Variants in AK8 observed in about 807,000 individuals in gnomAD.
AK8 encodes adenylate kinase 8, also known as ATP-AMP transphosphorylase 8.
Under a neutral mutation model 54.6 loss-of-function variants are expected in AK8, and 44 were observed. That is an observed-to-expected ratio of 0.81 (90% CI 0.63 to 1.04). AK8 has a LOEUF of 1.04. Among genes scored for constraint, AK8 ranks in the 50% least tolerant of loss-of-function variants. The pLI is 0.00. For synonymous variants in AK8, 239 were observed against 245.6 expected (o/e 0.97, Z 0.25); for missense variants, 555 against 613.6 (o/e 0.90, Z 1.01).
Position 132,781,164 on chromosome 9 carries a change from T to C in AK8, c.1121+11470A>G, listed in dbSNP as rs1247419251. 8.3e-6 allele frequency among the ~76,000 whole-genome samples: 1 copy of C among 120,968 alleles called. No individual in the cohort carries two copies. The highest frequency in any genetic ancestry group is 2.1e-5 in the Non-Finnish European group (1 of 47,676). 79.4% of individuals were successfully genotyped at this position (120,968 alleles called of 152,430 possible). A position where few individuals can be genotyped will look rare whatever the true frequency, so the allele number is the denominator to read the frequency against. On this transcript the variant is annotated intron_variant, in intron 11 of 12. Transcript: ENST00000298545. The surrounding 1 kb of genome is among the most constrained non-coding windows in gnomAD (Gnocchi z 4.6). Reference sequence around the variant, plus strand: ...ATGAACATAGTTCTTTCTTTGTTTCTTTCTTTCTTTCTTTTTTTTTACTAT... The same window carrying C: ...ATGAACATAGTTCTTTCTTTGTTTCCTTCTTTCTTTCTTTTTTTTTACTAT...
At chr9:132,801,137 A>G (rs986506610) in intron 10 of AK8, among the ~76,000 whole-genome samples, 1 of 152,112 alleles carries the variant, frequency 6.6e-6, no homozygotes, top group African/African-American at 2.4e-5. Flanking sequence ...CATGTTGGCT[A>G]CGCTGGTCTT....
At chr9:132,824,602 C>T (rs1421816440) in intron 8 of AK8, among the ~76,000 whole-genome samples, 2 of 152,208 alleles carry the variant, frequency 1.3e-5, no homozygotes, top group Non-Finnish European at 1.5e-5. Context: ...GCAGCACAAC[C>T]GCAAGGTATG....
In AK8 at chr9:132,791,740, A is replaced by T. The variant is rs1203547126; in HGVS notation, c.1121+894T>A. ...AGACCATATATAAAAAGAGAACTGG[A>T]ACCCACAACCTGCAGCAACCTGCCC... On this transcript the variant is annotated intron_variant, in intron 11 of 12. Coordinates refer to ENST00000298545, the MANE Select transcript of AK8 (RefSeq NM_152572.3). This position sits in a 1 kb window ranked among gnomAD's most constrained non-coding sequence, Gnocchi z 4.0. Among the ~76,000 whole-genome samples the T allele has an allele frequency of 6.6e-6, 1 of 152,238 alleles. No homozygotes were observed. The highest frequency in any genetic ancestry group is 2.4e-5 in the African/African-American group (1 of 41,462).
intron 11 of AK8, among the ~76,000 whole-genome samples, chr9:132,730,436 G>GTTTTTT (rs5900990): frequency 5.6e-5 from 8 of 141,882 alleles, no homozygotes. Context: ...CCCACTGCCT[G>GTTTTTT]TTTTTTTTTT....
intron 11 of AK8, among the ~76,000 whole-genome samples, chr9:132,733,433 A>G (rs1247669860): frequency 2.0e-5 from 3 of 152,230 alleles, no homozygotes; most frequent in Non-Finnish European, 2.9e-5. Flanking sequence ...GAAATCCCTG[A>G]TAATTGAAGC....
In AK8 at chr9:132,826,232, C is replaced by T. The variant is rs1841863964; in HGVS notation, c.757+622G>A. 6.6e-6 allele frequency among the ~76,000 whole-genome samples: 1 copy of T among 152,124 alleles called. No individual in the cohort carries two copies. The highest frequency in any genetic ancestry group is 2.1e-4 in the South Asian group (1 of 4,828). On this transcript the variant is annotated intron_variant, in intron 8 of 12. Coordinates refer to ENST00000298545, the MANE Select transcript of AK8 (RefSeq NM_152572.3). The surrounding 1 kb of genome is among the most constrained non-coding windows in gnomAD (Gnocchi z 4.5). ...GGGCTCCGAGGAGTTAGGAGAAGTG[C>T]CAGAGGCTGCACAGCTGGGCTGCGT...
At chr9:132,854,377 C>T (rs1843093378) in intron 5 of AK8, among the ~76,000 whole-genome samples, 1 of 152,238 alleles carries the variant, frequency 6.6e-6, no homozygotes, top group African/African-American at 2.4e-5. Flanking sequence ...GAGCCCTCCC[C>T]TGCCCTCTCC....
chr9:132,878,367 G>A (rs1294585664), upstream of AK8: 9 of 1,251,140 alleles, frequency 7.2e-6, no homozygotes, highest in Non-Finnish European at 9.1e-6. This position sits in a 1 kb window ranked among gnomAD's most constrained non-coding sequence, Gnocchi z 4.7. Context: ...GCCGGGCCCA[G>A]ATACCCGATC....
At chr9:132,745,745 C>T (rs952904087) in intron 11 of AK8, among the ~76,000 whole-genome samples, 4 of 152,132 alleles carry the variant, frequency 2.6e-5, no homozygotes, top group African/African-American at 9.7e-5. Context: ...AAGGGTCCCT[C>T]AAGACAGTCC....
intron 11 of AK8, among the ~76,000 whole-genome samples, chr9:132,784,447 A>C (rs58194817): frequency 0.01 from 1,558 of 152,256 alleles, 28 homozygotes; most frequent in African/African-American, 0.036. Flanking sequence ...TGAAGTCAGG[A>C]GGGGAAGGTT....
intron 5 of AK8, among the ~76,000 whole-genome samples, chr9:132,839,290 G>A (rs746529718): frequency 6.6e-6 from 1 of 152,274 alleles, no homozygotes; most frequent in South Asian, 2.1e-4. Context: ...TTCACCAACT[G>A]TGTCTTGGCT....
At chr9:132,782,068 A>G (rs1390793980) in intron 11 of AK8, among the ~76,000 whole-genome samples, 2 of 152,178 alleles carry the variant, frequency 1.3e-5, no homozygotes, top group Admixed American at 1.3e-4. Context: ...CTAGGGTCAA[A>G]TAAATTAAAT....
intron 11 of AK8, among the ~76,000 whole-genome samples, chr9:132,783,866 G>A (rs1282807850): frequency 1.3e-5 from 2 of 152,134 alleles, no homozygotes; most frequent in Admixed American, 1.3e-4. Flanking sequence ...AAAACAGTCA[G>A]TTACCATGAA....
chr9:132,797,984 T>C (rs1432066714), intron 10 of AK8, among the ~76,000 whole-genome samples: 2 of 152,208 alleles, frequency 1.3e-5, no homozygotes, highest in Non-Finnish European at 2.9e-5. Flanking sequence ...TTTAACCTTT[T>C]ATAAGGAACA....
intron 11 of AK8, among the ~76,000 whole-genome samples, chr9:132,735,528 A>G (rs943949982): frequency 6.6e-6 from 1 of 152,104 alleles, no homozygotes; most frequent in Admixed American, 6.6e-5. Flanking sequence ...ACTACTTCAC[A>G]CTCAGTAGAA....
intron 2 of AK8, among the ~76,000 whole-genome samples, chr9:132,872,615 C>G (rs948798596): frequency 6.6e-6 from 1 of 150,952 alleles, no homozygotes; most frequent in Admixed American, 6.7e-5. Flanking sequence ...ACAGGTGCAC[C>G]ACCACACCCA....
intron 10 of AK8, among the ~76,000 whole-genome samples, chr9:132,812,559 C>CGCCCACTGGGATGACGGGTGAGCCGCCGT (rs1841102586): frequency 6.6e-6 from 1 of 151,994 alleles, no homozygotes; most frequent in African/African-American, 2.4e-5. Flanking sequence ...TGAGCCGCCG[C>CGCCCACTGGGATGACGGGTGAGCCGCCGT]GCCCGGCCGC....
intron 11 of AK8, among the ~76,000 whole-genome samples, chr9:132,753,505 G>A (rs1005220034): frequency 3.9e-5 from 6 of 152,238 alleles, no homozygotes; most frequent in African/African-American, 1.4e-4. Flanking sequence ...GGGGTGGCTG[G>A]GGCAGAGAGA....
intron 5 of AK8, among the ~76,000 whole-genome samples, chr9:132,844,640 G>A (rs1842678308): frequency 1.3e-5 from 2 of 152,208 alleles, no homozygotes; most frequent in African/African-American, 4.8e-5. Flanking sequence ...GGCAATGGAT[G>A]CCCCTTAAAG....
Sources: allele counts gnomAD v4.1 joint callset (sites outside exome capture counted in the v4.1 genomes callset), GRCh38; gene constraint gnomAD v4.1.1; non-coding constraint Gnocchi (gnomAD v3.1); transcripts MANE v1.5; gene names NCBI Gene and HGNC (gene_info 2026-07-23, HGNC 2026-07-21).